MYCBP2: variants seen among roughly 807,000 people sequenced by gnomAD.
The protein encoded by MYCBP2 is E3 ubiquitin-protein ligase MYCBP2.
Under a neutral mutation model 525.3 loss-of-function variants are expected in MYCBP2, and 120 were observed. The ratio of observed to expected loss-of-function variants is 0.23; its 90% CI spans 0.20 to 0.27. MYCBP2 has a LOEUF of 0.27. Ranked by LOEUF, MYCBP2 falls within the 10% of genes least tolerant of loss-of-function variation. The probability of loss-of-function intolerance (pLI) is 1.00; values close to 1 mark genes in which losing one functional copy is unlikely to be tolerated. For missense variants in MYCBP2, 4,149 were observed against 5,657.1 expected (o/e 0.73, Z 8.55); for synonymous variants, 1,894 against 1,955.8 (o/e 0.97, Z 0.83).
chr13:77,165,262 T>A lies in MYCBP2; in HGVS notation c.6459+11A>T, dbSNP rs534134738. On this transcript the variant is annotated intron_variant, in intron 42 of 82. Transcript: ENST00000544440. Reference sequence around the variant, plus strand: ...CTTCCTTAAAAGAATGAAAAGATAATTCATTCTTACCTCATCAGGTCCAGG... The same window carrying A: ...CTTCCTTAAAAGAATGAAAAGATAAATCATTCTTACCTCATCAGGTCCAGG... 14 of 1,560,508 alleles carry A rather than the reference T, an allele frequency of 9.0e-6. No individual in the cohort carries two copies. In the South Asian group the frequency reaches 1.4e-4, roughly 15 times the overall value.
chr13:77,239,346 G>C (rs1020278681), intron 17 of MYCBP2, among the ~76,000 whole-genome samples: 1 of 152,072 alleles, frequency 6.6e-6, no homozygotes, highest in Non-Finnish European at 1.5e-5. Context: ...AGAAATAAAA[G>C]ATCTGTATGT....
At position 77,077,130 on chromosome 13, in the gene MYCBP2, T is replaced by C. The variant is rs959031307; in HGVS notation, c.11724+18A>G. 1.2e-6 allele frequency: 2 copies of C among 1,609,804 alleles called. No individual in the cohort carries two copies. Among genetic ancestry groups the C allele is most frequent in the Non-Finnish European group, 1.7e-6 (2 of 1,178,006 alleles). On this transcript the variant is annotated intron_variant, in intron 67 of 82. Transcript: ENST00000544440. ...ACATCAATTATCCTGTGCTAGAATA[T>C]GTTGTAAGGACACTCACTTGAGACG...
At chr13:77,258,309 T>C (rs1368611642) in intron 13 of MYCBP2, among the ~76,000 whole-genome samples, 1 of 152,234 alleles carries the variant, frequency 6.6e-6, no homozygotes, top group Non-Finnish European at 1.5e-5. Flanking sequence ...TACAATGCTT[T>C]CTTCCACAAT....
intron 60 of MYCBP2, 55 bp from the exon 61 acceptor site, chr13:77,089,086 G>T (rs1248719855): frequency 4.0e-6 from 5 of 1,246,292 alleles, no homozygotes; most frequent in Non-Finnish European, 5.5e-6. Context: ...ATATATTTAA[G>T]ATAATAATAT....
In MYCBP2 at chr13:77,213,482, A is replaced by AG. The variant is rs562627004; in HGVS notation, c.3058-1323dup. Among the ~76,000 whole-genome samples the AG allele has an allele frequency of 1.4e-4, 21 of 152,274 alleles. No homozygotes were observed. The East Asian group carries it at 4.0e-3, about 29-fold the overall frequency. On this transcript the variant is annotated intron_variant, in intron 21 of 82. Transcript: ENST00000544440. ...GACAGAGTGAGGCTCTGTCTCAAAA[A>AG]GAAAAAAAAAAGTAAATAGTGAGCA... is the stretch of plus-strand genomic sequence containing the variant.
intron 2 of MYCBP2, among the ~76,000 whole-genome samples, chr13:77,293,005 G>A (rs1456358947): frequency 1.3e-5 from 2 of 150,494 alleles, no homozygotes; most frequent in Non-Finnish European, 3.0e-5. Flanking sequence ...AACCCCTGGA[G>A]ATGATAGAAA....
intron 79 of MYCBP2, among the ~76,000 whole-genome samples, chr13:77,056,353 T>C (rs1208047464): frequency 6.6e-6 from 1 of 152,170 alleles, no homozygotes; most frequent in Non-Finnish European, 1.5e-5. Flanking sequence ...TTCTACCCTT[T>C]ATATTAGTTT....
At chr13:77,162,025 G>T (rs1305740024) in intron 43 of MYCBP2, 70 bp from the exon 44 acceptor site, 8 of 1,018,242 alleles carry the variant, frequency 7.9e-6, no homozygotes, top group Non-Finnish European at 1.2e-5. Context: ...CTAGTCCTTT[G>T]CATTCATTAC....
At chr13:77,148,374 C>A (rs951676719) in intron 47 of MYCBP2, among the ~76,000 whole-genome samples, 2 of 151,972 alleles carry the variant, frequency 1.3e-5, no homozygotes, top group Admixed American at 6.6e-5. Context: ...CAGCCACTCA[C>A]ACCAAAAGTC....
In MYCBP2 at chr13:77,206,760, G is replaced by C; in HGVS notation, c.3482C>G (p.Ser1161Cys). ...ACATCTGGACTGCATGTCTGCTGCA[G>C]AGGGAAGCCTGGCATCAGCAACCAC... ...NAVVADARLP[S>C]AADMQSRCSI... is the part of the protein sequence containing the mutation. The change falls in exon 24 of 83, where the codon TCT (serine) becomes TGT (cysteine). Residue 1161 changes from serine (S) to cysteine (C), a missense_variant. Ser to Cys is a moderately radical substitution (Grantham distance 112). This residue lies in a region of MYCBP2 where 620 missense variants were observed against 795.5 expected (regional missense o/e 0.78). Coordinates refer to ENST00000544440, the MANE Select transcript of MYCBP2 (RefSeq NM_015057.5). 1 of 1,611,908 alleles carries C rather than the reference G, an allele frequency of 6.2e-7. No individual in the cohort carries two copies. The highest frequency in any genetic ancestry group is 1.1e-5 in the South Asian group (1 of 90,824).
In MYCBP2 at chr13:77,163,085, TG is replaced by T. The variant is rs547264542; in HGVS notation, c.6548-1131del. 2.6e-5 allele frequency among the ~76,000 whole-genome samples: 4 copies of T among 152,356 alleles called. No homozygotes were observed. The East Asian group carries it at 7.7e-4, about 29-fold the overall frequency. ...AAGAGCTGCATATACTACCATTGAA[TG>T]GCTATGCCATTACTTATTTAACCAG... On this transcript the variant is annotated intron_variant, in intron 43 of 82. Transcript: ENST00000544440.
chr13:77,165,303 A>C lies in MYCBP2; in HGVS notation c.6429T>G (p.Ile2143Met). The change falls in exon 42 of 83, where the codon ATT becomes ATG. Residue 2143 changes from isoleucine to methionine, a missense_variant. By Grantham distance (10) the Ile-to-Met change is conservative (BLOSUM62 1). This residue lies in a region of MYCBP2 where 692 missense variants were observed against 852.7 expected (regional missense o/e 0.81). Coordinates refer to ENST00000544440, the MANE Select transcript of MYCBP2 (RefSeq NM_015057.5). ...CAGGTCCAGGGCTAAATTCATATCC[A>C]ATTGCAAAACACTTAAAACCATAGA... ...ASFYGFKCFAIGYEFSPGPDE... is the reference protein window; with the variant it reads ...ASFYGFKCFAMGYEFSPGPDE... 6.2e-7 allele frequency: 1 copy of C among 1,611,564 alleles called. No homozygotes were observed. The highest frequency in any genetic ancestry group is 8.5e-7 in the Non-Finnish European group (1 of 1,178,894).
At chr13:77,167,427 C>T (rs1345540261) in intron 40 of MYCBP2, among the ~76,000 whole-genome samples, 1 of 151,854 alleles carries the variant, frequency 6.6e-6, no homozygotes, top group East Asian at 1.9e-4. Flanking sequence ...GAAGAGGCTC[C>T]CATCTAACAA....
chr13:77,142,903 A>C (rs2054909934), intron 49 of MYCBP2, among the ~76,000 whole-genome samples: 2 of 152,190 alleles, frequency 1.3e-5, no homozygotes, highest in South Asian at 2.1e-4. Flanking sequence ...AAATCAGAAA[A>C]AGTCCAAAAT....
chr13:77,318,569 T>A (rs992448557), intron 1 of MYCBP2, among the ~76,000 whole-genome samples: 1 of 151,958 alleles, frequency 6.6e-6, no homozygotes, highest in Non-Finnish European at 1.5e-5. Flanking sequence ...GCCTGACCAA[T>A]ATGGTGAAAC....
At chr13:77,226,160 T>C (rs1460943586) in intron 18 of MYCBP2, among the ~76,000 whole-genome samples, 3 of 152,294 alleles carry the variant, frequency 2.0e-5, no homozygotes, top group Admixed American at 6.5e-5. Context: ...CCTTCAGCCA[T>C]ATTGCTTTGT....
In MYCBP2 at chr13:77,276,120, A is replaced by C. The variant is rs188015295; in HGVS notation, c.749-2452T>G. 2.0e-4 allele frequency among the ~76,000 whole-genome samples: 30 copies of C among 152,378 alleles called. No homozygotes were observed. In the East Asian group the frequency reaches 5.6e-3, roughly 28 times the overall value. On this transcript the variant is annotated intron_variant, in intron 4 of 82. Transcript: ENST00000544440. Reference sequence around the variant, plus strand: ...CAATAGTATCGCACATTCTTAGCACATAACAAAGGGGGTGCTATTACATTT... The same window carrying C: ...CAATAGTATCGCACATTCTTAGCACCTAACAAAGGGGGTGCTATTACATTT...
intron 33 of MYCBP2, 63 bp from the exon 34 acceptor site, chr13:77,180,381 T>C (rs1204438931): frequency 2.2e-6 from 3 of 1,359,086 alleles, no homozygotes; most frequent in Non-Finnish European, 3.1e-6. Context: ...AGTACTCAAT[T>C]TGAAAACCTT....
chr13:77,131,928 C>A (rs907768376), intron 52 of MYCBP2, among the ~76,000 whole-genome samples: 1 of 152,106 alleles, frequency 6.6e-6, no homozygotes, highest in Middle Eastern at 3.4e-3. Flanking sequence ...ACCAACCATG[C>A]CAAATGCTCA....
Sources: gnomAD v4.1 joint callset for allele counts (sites outside exome capture counted in the v4.1 genomes callset) on GRCh38, gnomAD v4.1.1 for gene constraint, gnomAD v4.1.1 regional missense constraint, MANE v1.5 for transcripts, NCBI Gene and HGNC (gene_info 2026-07-23, HGNC 2026-07-21) for gene names.